The following EYS variants were observed in gnomAD, a reference collection of about 807,000 sequenced individuals.
EYS encodes the protein EGF-like photoreceptor maintenance factor, also known as protein eyes shut homolog.
EYS carries 250 observed loss-of-function variants against 282.1 expected under a neutral mutation model. The observed-to-expected ratio is 0.89, with a 90% CI of 0.80 to 0.98. The LOEUF (loss-of-function observed/expected upper bound fraction) is 0.98. Among genes scored for constraint, EYS ranks in the 50% least tolerant of loss-of-function variants. EYS has a pLI of 0.00. For missense variants in EYS, 4,016 were observed against 3,709.0 expected (o/e 1.08, Z -2.15); for synonymous variants, 1,355 against 1,282.9 (o/e 1.06, Z -1.20).
At chr6:64,014,495 T>G (rs1421506983) in intron 33 of EYS, among the ~76,000 whole-genome samples, 2 of 152,166 alleles carry the variant, frequency 1.3e-5, no homozygotes, top group Non-Finnish European at 2.9e-5. Context: ...GTTAAGATAT[T>G]TATACTGTAT....
intron 28 of EYS, among the ~76,000 whole-genome samples, chr6:64,431,760 CTAAA>C (rs1275289837): frequency 6.6e-6 from 1 of 152,074 alleles, no homozygotes; most frequent in Non-Finnish European, 1.5e-5. Flanking sequence ...TCCTTCCTAC[CTAAA>C]TAATCTCAAA....
At chr6:65,080,698 T>C (rs1774208678) in intron 12 of EYS, among the ~76,000 whole-genome samples, 1 of 152,100 alleles carries the variant, frequency 6.6e-6, no homozygotes, top group Non-Finnish European at 1.5e-5. Flanking sequence ...GAGTGTGGTT[T>C]CTTTCCAGCT....
intron 29 of EYS, among the ~76,000 whole-genome samples, chr6:64,314,194 C>CAAAAAACAAAAAAA (rs1769842238): frequency 3.6e-5 from 1 of 27,676 alleles, no homozygotes; most frequent in African/African-American, 1.5e-4. Context: ...AAATGGAAAG[C>CAAAAAACAAAAAAA]AAAAAAAAAA....
At chr6:65,422,189 C>T (rs1310196481) in intron 5 of EYS, among the ~76,000 whole-genome samples, 1 of 151,906 alleles carries the variant, frequency 6.6e-6, no homozygotes, top group Non-Finnish European at 1.5e-5. Context: ...AACTAAATTT[C>T]AAGTGCTCAA....
At chr6:65,147,269 G>C (rs1006905176) in intron 12 of EYS, among the ~76,000 whole-genome samples, 5 of 151,644 alleles carry the variant, frequency 3.3e-5, no homozygotes, top group Non-Finnish European at 7.4e-5. Flanking sequence ...CTCCATTTGA[G>C]GGATACATGA....
At chr6:64,550,903 A>C (rs941156823) in intron 26 of EYS, among the ~76,000 whole-genome samples, 4 of 152,144 alleles carry the variant, frequency 2.6e-5, no homozygotes, top group African/African-American at 9.7e-5. Context: ...CCAACTTACA[A>C]GGGACGTGAA....
intron 30 of EYS, among the ~76,000 whole-genome samples, chr6:64,231,793 T>C (rs1231714971): frequency 1.3e-5 from 2 of 152,178 alleles, no homozygotes; most frequent in East Asian, 3.8e-4. Context: ...GTTGAATTAA[T>C]GTGTTCAGCA....
chr6:63,936,460 A>G (rs1157261116), intron 35 of EYS, among the ~76,000 whole-genome samples: 1 of 152,158 alleles, frequency 6.6e-6, no homozygotes, highest in African/African-American at 2.4e-5. Flanking sequence ...CCCCAGAATC[A>G]GAAGTTTAGT....
chr6:64,864,902 G>T (rs532501094), intron 19 of EYS, among the ~76,000 whole-genome samples: 2 of 151,866 alleles, frequency 1.3e-5, no homozygotes. Context: ...TAGGCACAGT[G>T]GTGGGCATCT....
Position 64,564,086 on chromosome 6 carries a change from A to T in EYS, c.5644+26137T>A, listed in dbSNP as rs1001472246. On this transcript the variant is annotated intron_variant, in intron 26 of 42. Coordinates refer to ENST00000503581, the MANE Select transcript of EYS (RefSeq NM_001142800.2). The stretch of plus-strand genomic sequence containing the variant: ...GGGTAAATAGCTGTTTAACACACTG[A>T]TTTCATTTCTTTTGGACATATACCC... Among the ~76,000 whole-genome samples, 5 of 151,840 alleles carry T rather than the reference A, an allele frequency of 3.3e-5. No homozygotes were observed. In the East Asian group the frequency reaches 9.7e-4, roughly 29 times the overall value.
chr6:64,135,599 A>C (rs915253653), intron 31 of EYS, among the ~76,000 whole-genome samples: 4 of 152,076 alleles, frequency 2.6e-5, no homozygotes, highest in Non-Finnish European at 5.9e-5. Context: ...CTTAAGAAGG[A>C]GTACAGGCAT....
At chr6:64,427,171 T>C (rs1187302525) in intron 28 of EYS, among the ~76,000 whole-genome samples, 1 of 152,206 alleles carries the variant, frequency 6.6e-6, no homozygotes, top group Non-Finnish European at 1.5e-5. Context: ...CTGACAGGAT[T>C]ATCTAGGAAT....
intron 31 of EYS, among the ~76,000 whole-genome samples, chr6:64,185,581 C>T (rs1764912230): frequency 6.6e-6 from 1 of 152,094 alleles, no homozygotes; most frequent in Non-Finnish European, 1.5e-5. Flanking sequence ...GCTTTAAAAA[C>T]AATGTGAAGA....
At chr6:64,862,743 C>A (rs987847806) in intron 19 of EYS, among the ~76,000 whole-genome samples, 3 of 152,100 alleles carry the variant, frequency 2.0e-5, no homozygotes, top group African/African-American at 7.2e-5. Flanking sequence ...ATGGCACAGA[C>A]TGAGGTGAAT....
At chr6:64,194,201 C>G (rs1421851896) in intron 31 of EYS, among the ~76,000 whole-genome samples, 1 of 152,052 alleles carries the variant, frequency 6.6e-6, no homozygotes. Flanking sequence ...AACTTAGTAC[C>G]TGGAAGAACA....
At chr6:64,551,782 A>G (rs1332712769) in intron 26 of EYS, among the ~76,000 whole-genome samples, 1 of 152,164 alleles carries the variant, frequency 6.6e-6, no homozygotes, top group Non-Finnish European at 1.5e-5. Context: ...ATTTTCACAC[A>G]CTAACTTCCA....
At chr6:64,236,195 T>C (rs1033070832) in intron 30 of EYS, among the ~76,000 whole-genome samples, 15 of 152,196 alleles carry the variant, frequency 9.9e-5, no homozygotes, top group South Asian at 2.1e-4. Flanking sequence ...GGATGGTCTC[T>C]ATCTCCTGAC....
chr6:64,005,920 A>G (rs187164637), intron 33 of EYS, among the ~76,000 whole-genome samples: 6 of 152,056 alleles, frequency 3.9e-5, no homozygotes, highest in African/African-American at 1.4e-4. Flanking sequence ...CCAGCTTTGC[A>G]CTTTTTGCTT....
At chr6:65,529,243 C>T (rs1310950192) in intron 2 of EYS, among the ~76,000 whole-genome samples, 3 of 152,104 alleles carry the variant, frequency 2.0e-5, no homozygotes, top group African/African-American at 7.2e-5. Context: ...AAAATTATCT[C>T]AACCTTATGA....
Sources: gnomAD v4.1 joint callset for allele counts (sites outside exome capture counted in the v4.1 genomes callset) on GRCh38, gnomAD v4.1.1 for gene constraint, MANE v1.5 for transcripts, NCBI Gene and HGNC (gene_info 2026-07-23, HGNC 2026-07-21) for gene names.